DNAJC19: variants seen among roughly 807,000 people sequenced by gnomAD.
DNAJC19 encodes mitochondrial import inner membrane translocase subunit TIM14.
A neutral mutation model predicts 19.8 loss-of-function variants in DNAJC19; 15 were observed. That is an observed-to-expected ratio of 0.76 (90% CI 0.51 to 1.17). The LOEUF (loss-of-function observed/expected upper bound fraction) is 1.17. Among genes scored for constraint, DNAJC19 ranks in the 50% most tolerant of loss-of-function variants. The pLI is 0.00. For synonymous variants in DNAJC19, 38 were observed against 42.1 expected (o/e 0.90, Z 0.38); for missense variants, 105 against 140.9 (o/e 0.75, Z 1.29).
chr3:180,986,975 T>C lies in DNAJC19; in HGVS notation c.177A>G (p.Thr59=), dbSNP rs1430649804. ...YYRGGFEPKM[T]KREAALILGV... Reference sequence around the variant, plus strand: ...CTAGTATTAATGCTGCTTCCCGTTTTGTCATTTTGGGTTCAAACCCACCTC... The same window carrying C: ...CTAGTATTAATGCTGCTTCCCGTTTCGTCATTTTGGGTTCAAACCCACCTC... The change falls in exon 4 of 6, where the codon ACA becomes ACG. Residue 59 remains threonine (T), a synonymous_variant. Coordinates refer to ENST00000382564, the MANE Select transcript of DNAJC19 (RefSeq NM_145261.4). The C allele has an allele frequency of 6.2e-7, 1 of 1,613,956 alleles. No homozygotes were observed. Among genetic ancestry groups the C allele is most frequent in the East Asian group, 2.2e-5 (1 of 44,858 alleles).
Position 180,984,692 on chromosome 3 carries a change from G to C in DNAJC19, c.299C>G (p.Ala100Gly). 1 of 1,607,570 alleles carries C rather than the reference G, an allele frequency of 6.2e-7. No individual in the cohort carries two copies. The highest frequency in any genetic ancestry group is 8.5e-7 in the Non-Finnish European group (1 of 1,175,576). ...HPDKGGSPYI[A>G]AKINEAKDLL... ...ATCTTTAGCTTCATTGATTTTGGCTGCTATATAAGGAGATCCTCCTATAGG... is the reference window on the plus strand; with the variant it reads ...ATCTTTAGCTTCATTGATTTTGGCTCCTATATAAGGAGATCCTCCTATAGG... Residue 100 changes from alanine to glycine, a missense_variant, in exon 6 of 6, where the codon GCA becomes GGA. Coordinates refer to ENST00000382564, the MANE Select transcript of DNAJC19 (RefSeq NM_145261.4).
Position 180,984,282 on chromosome 3 carries a change from A to T in DNAJC19, c.*358T>A. 2.2e-6 allele frequency: 1 copy of T among 455,862 alleles called. No homozygotes were observed. Among genetic ancestry groups the T allele is most frequent in the Non-Finnish European group, 4.4e-6 (1 of 228,006 alleles). The allele number at this position is 455,862 out of a possible 1,614,324, so 28.2% of individuals were successfully genotyped here. ...GCTAATTTCCATCATACTATTTATC[A>T]CAGTCTAATTACCAGTTTATCAGTC... On this transcript the variant is annotated 3_prime_UTR_variant, in exon 6 of 6. Coordinates refer to ENST00000382564, the MANE Select transcript of DNAJC19 (RefSeq NM_145261.4).
At position 180,989,598 on chromosome 3, in the gene DNAJC19, A is replaced by T; in HGVS notation, c.3+2T>A. ...CCAAGAAGACCGGAAGGCCGCACTC[A>T]CCATGGCTCCGGCTGGGCTCCCTTG... is the stretch of plus-strand genomic sequence containing the variant. On this transcript the variant is annotated splice_donor_variant, in intron 1 of 5. Transcript: ENST00000382564. LOFTEE classifies it high-confidence loss of function. The T allele has an allele frequency of 6.3e-7, 1 of 1,586,990 alleles. No homozygotes were observed. The highest frequency in any genetic ancestry group is 1.2e-5 in the South Asian group (1 of 86,678).
At chr3:180,988,890 A>G (rs1186266276) in intron 1 of DNAJC19, among the ~76,000 whole-genome samples, 4 of 151,666 alleles carry the variant, frequency 2.6e-5, no homozygotes, top group Admixed American at 6.6e-5. Flanking sequence ...GGCGCCTGTA[A>G]TCCCAGCTAC....
At position 180,988,050 on chromosome 3, in the gene DNAJC19, T is replaced by C; in HGVS notation, c.102A>G (p.Lys34=). 6.2e-7 allele frequency: 1 copy of C among 1,614,204 alleles called. No homozygotes were observed. ...QAMKHMEPQV[K]QVFQSLPKSA... Reference sequence around the variant, plus strand: ...ATTTTGGTAGGCTTTGAAAAACTTGTTTTACTTGAGGCTCCATATGCTTCA... The same window carrying C: ...ATTTTGGTAGGCTTTGAAAAACTTGCTTTACTTGAGGCTCCATATGCTTCA... Residue 34 remains lysine, a synonymous_variant, in exon 3 of 6, where the codon AAA becomes AAG. Transcript: ENST00000382564.
chr3:180,984,850 A>G, intron 5 of DNAJC19, 140 bp from the exon 6 acceptor site: 1 of 604,984 alleles, frequency 1.7e-6, no homozygotes, highest in South Asian at 2.1e-5. Flanking sequence ...TTAAAAAATA[A>G]CCCTGACACT....
chr3:180,984,791 A>G (rs963097993), intron 5 of DNAJC19, 81 bp from the exon 6 acceptor site: 2 of 980,520 alleles, frequency 2.0e-6, no homozygotes, highest in African/African-American at 1.6e-5. Context: ...TGTTTCAAGG[A>G]CTCCAATGCT....
chr3:180,985,904 C>T lies in DNAJC19; in HGVS notation c.280+22G>A, dbSNP rs376020843. 1.6e-5 allele frequency: 25 copies of T among 1,602,800 alleles called. No homozygotes were observed. In the African/African-American group the frequency reaches 2.4e-4, roughly 15 times the overall value. On this transcript the variant is annotated intron_variant, in intron 5 of 5. Coordinates refer to ENST00000382564, the MANE Select transcript of DNAJC19 (RefSeq NM_145261.4). ...CTATTGGTCACACCAACAACATCAA[C>T]GAGAATTTAATGACTACTTACCTTT... is the stretch of plus-strand genomic sequence containing the variant.
chr3:180,986,286 GT>G lies in DNAJC19; in HGVS notation c.210-291del, dbSNP rs138755965. Among the ~76,000 whole-genome samples the G allele has an allele frequency of 0.02, 2,716 of 138,534 alleles. 36 individuals are homozygous for G. The highest frequency in any genetic ancestry group is 0.034 in the Non-Finnish European group (2,167 of 63,774). 90.9% of individuals were successfully genotyped at this position (138,534 alleles called of 152,430 possible). ...TTGAAAATGAAGAAGGAAGAGTTTT[GT>G]TTTTTTTTTTTTTTGAGATAGTCTC... On this transcript the variant is annotated intron_variant, in intron 4 of 5. Transcript: ENST00000382564.
Position 180,984,296 on chromosome 3 carries a change from AG to A in DNAJC19, c.*343del. ...TACTATTTATCACAGTCTAATTACC[AG>A]TTTATCAGTCTCCCATTAAAGTGGG... On this transcript the variant is annotated 3_prime_UTR_variant, in exon 6 of 6. Transcript: ENST00000382564. The A allele has an allele frequency of 4.4e-6, 2 of 457,744 alleles. No homozygotes were observed. The highest frequency in any genetic ancestry group is 8.7e-6 in the Non-Finnish European group (2 of 229,202). 28.4% of individuals were successfully genotyped at this position (457,744 alleles called of 1,614,324 possible). A position where few individuals can be genotyped will look rare whatever the true frequency, so the allele number is the denominator to read the frequency against.
At chr3:180,988,137 A>C in intron 2 of DNAJC19, 41 bp from the exon 3 acceptor site, 4 of 1,614,082 alleles carry the variant, frequency 2.5e-6, no homozygotes, top group Non-Finnish European at 2.5e-6. Flanking sequence ...TAAATCTCCA[A>C]TCTCCCCGAC....
In DNAJC19 at chr3:180,988,076, T is replaced by C. The variant is rs1214355681; in HGVS notation, c.76A>G (p.Met26Val). 1.9e-6 allele frequency: 3 copies of C among 1,614,210 alleles called. No homozygotes were observed. Among genetic ancestry groups the C allele is most frequent in the Middle Eastern group, 1.6e-4 (1 of 6,062 alleles). Reference protein sequence around the residue: ...GFAGRYVLQAMKHMEPQVKQV... With the variant: ...GFAGRYVLQAVKHMEPQVKQV... ...TTTACTTGAGGCTCCATATGCTTCA[T>C]GGCTTGCAAAACGTAACGGCCTAAA... Residue 26 changes from methionine (M) to valine (V), a missense_variant, in exon 3 of 6, where the codon ATG (methionine) becomes GTG (valine). By Grantham distance (21) the Met-to-Val change is conservative (BLOSUM62 1). Transcript: ENST00000382564.
At chr3:180,989,556 G>T in intron 1 of DNAJC19, 44 bp downstream of exon 1, 1 of 1,564,958 alleles carries the variant, frequency 6.4e-7, no homozygotes, top group East Asian at 2.4e-5. Flanking sequence ...TGAGGTTGAG[G>T]CCTGGGCCGG....
At chr3:180,985,068 A>G (rs956181823) in intron 5 of DNAJC19, among the ~76,000 whole-genome samples, 1 of 152,132 alleles carries the variant, frequency 6.6e-6, no homozygotes, top group South Asian at 2.1e-4. Context: ...ATGAACATCA[A>G]TTATACCATG....
At position 180,983,971 on chromosome 3, in the gene DNAJC19, G is replaced by C. The variant is rs1560037418; in HGVS notation, c.*669C>G. ...CCAGTACTTTGGGAGGCTGAGGCGG[G>C]AGGACTGCTTAAACCCAGGAGGTTG... On this transcript the variant is annotated 3_prime_UTR_variant, in exon 6 of 6. Transcript: ENST00000382564. The C allele has an allele frequency of 2.2e-6, 1 of 453,986 alleles. No individual in the cohort carries two copies. The highest frequency in any genetic ancestry group is 4.4e-6 in the Non-Finnish European group (1 of 226,736). The allele number at this position is 453,986 out of a possible 1,614,324, so 28.1% of individuals were successfully genotyped here.
chr3:180,986,051 A>C lies in DNAJC19; in HGVS notation c.210-55T>G, dbSNP rs146534660. The C allele has an allele frequency of 6.3e-6, 9 of 1,421,004 alleles. No homozygotes were observed. In the East Asian group the frequency reaches 2.1e-4, roughly 32 times the overall value. 88.0% of individuals were successfully genotyped at this position (1,421,004 alleles called of 1,614,324 possible). Reference sequence around the variant, plus strand: ...CATCCTACTTCTGCATCACATCAAAAAACTGTACATAAAGGCCAATTAAAG... The same window carrying C: ...CATCCTACTTCTGCATCACATCAAACAACTGTACATAAAGGCCAATTAAAG... On this transcript the variant is annotated intron_variant, in intron 4 of 5. Transcript: ENST00000382564.
At position 180,984,693 on chromosome 3, in the gene DNAJC19, C is replaced by CT. The variant is rs1242718192; in HGVS notation, c.297dup (p.Ala100SerfsTer6). ...TCTTTAGCTTCATTGATTTTGGCTG[C>CT]TATATAAGGAGATCCTCCTATAGGA... On this transcript the variant is annotated frameshift_variant, in exon 6 of 6. Transcript: ENST00000382564. LOFTEE classifies it high-confidence loss of function. 1.9e-6 allele frequency: 3 copies of CT among 1,607,634 alleles called. No individual in the cohort carries two copies. The highest frequency in any genetic ancestry group is 2.6e-6 in the Non-Finnish European group (3 of 1,175,772).
upstream of DNAJC19, chr3:180,989,798 A>C (rs1715137519): frequency 1.1e-6 from 1 of 902,522 alleles, no homozygotes; most frequent in East Asian, 2.6e-5. Flanking sequence ...GAGGAGAAGG[A>C]AAGTCGCTCA....
intron 5 of DNAJC19, 124 bp from the exon 6 acceptor site, chr3:180,984,834 T>A: frequency 1.5e-6 from 1 of 677,148 alleles, no homozygotes. Context: ...AACAGTGTTT[T>A]AATTTTTAAA....
Sources: gnomAD v4.1 joint callset for allele counts (sites outside exome capture counted in the v4.1 genomes callset) on GRCh38, gnomAD v4.1.1 for gene constraint, MANE v1.5 for transcripts, NCBI Gene and HGNC (gene_info 2026-07-23, HGNC 2026-07-21) for gene names.